POLR1C: variants seen among roughly 807,000 people sequenced by gnomAD.
POLR1C encodes DNA-directed RNA polymerases I and III subunit RPAC1.
A neutral mutation model predicts 38.3 loss-of-function variants in POLR1C; 42 were observed. The observed-to-expected ratio is 1.10, with a 90% CI of 0.86 to 1.42. The LOEUF is 1.42. Among genes scored for constraint, POLR1C ranks in the 40% most tolerant of loss-of-function variants. The pLI is 0.00. For missense variants in POLR1C, 507 were observed against 450.5 expected, an observed-to-expected ratio of 1.13 and a Z score of -1.14; for synonymous variants, 163 against 163.9, an observed-to-expected ratio of 0.99 and a Z score of 0.04.
chr6:43,550,629 T>A (rs1795183442), intron 9 of POLR1C, among the ~76,000 whole-genome samples: 1 of 152,256 alleles, frequency 6.6e-6, no homozygotes. Context: ...TGCTTTAATT[T>A]TATCTCATTA....
chr6:43,520,373 C>T lies in POLR1C; in HGVS notation c.601C>T (p.Gln201Ter), dbSNP rs1288619231. ...AGTGCATGATGATATCCTCATCGCT[C>T]AGCTGCGGCCTGGCCAAGAAATTGA... Reference protein sequence around the residue: ...RPVHDDILIAQLRPGQEIDLL... With the variant: ...RPVHDDILIA The change falls in exon 6 of 9, where the codon CAG becomes TAG. Residue 201 changes from glutamine (Q) to a stop codon, truncating the protein, a stop_gained. Transcript: ENST00000642195. LOFTEE classifies it high-confidence loss of function. 1.9e-6 allele frequency: 3 copies of T among 1,613,864 alleles called. No homozygotes were observed. Among genetic ancestry groups the T allele is most frequent in the Non-Finnish European group, 2.5e-6 (3 of 1,180,028 alleles).
intron 9 of POLR1C, chr6:43,547,532 T>G (rs933040888): frequency 1.9e-5 from 26 of 1,386,700 alleles, no homozygotes; most frequent in Non-Finnish European, 2.7e-5. Flanking sequence ...AACAAATCTA[T>G]GAGAAACTTG....
At chr6:43,524,906 G>C (rs1449741668), downstream of POLR1C, 1 of 1,614,044 alleles carries the variant, frequency 6.2e-7, no homozygotes, top group Non-Finnish European at 8.5e-7. Context: ...GCATCTGTAA[G>C]CCTTTCAGCA....
At chr6:43,562,184 T>C (rs953961892) in exon 11 of POLR1C, 6 of 1,373,166 alleles carry the variant, frequency 4.4e-6, no homozygotes, top group African/African-American at 4.3e-5. Context: ...CATTGAAACA[T>C]AAGTTTCTAA....
downstream of POLR1C, chr6:43,531,541 A>C: frequency 6.2e-7 from 1 of 1,613,972 alleles, no homozygotes. Context: ...TGAAGACAGG[A>C]GAGTCATTGA....
At chr6:43,538,626 C>T (rs1189322634) in intron 9 of POLR1C, among the ~76,000 whole-genome samples, 1 of 152,090 alleles carries the variant, frequency 6.6e-6, no homozygotes, top group East Asian at 1.9e-4. Context: ...ATTACTAGCT[C>T]CATATTGCTT....
chr6:43,520,581 C>G, intron 6 of POLR1C, 44 bp from the exon 7 acceptor site: 2 of 1,611,872 alleles, frequency 1.2e-6, no homozygotes, highest in Non-Finnish European at 1.7e-6. Context: ...TTCTTCCTAA[C>G]CCTAGAAGGG....
At chr6:43,539,310 C>A in intron 9 of POLR1C, 1 of 1,561,866 alleles carries the variant, frequency 6.4e-7, no homozygotes. Context: ...CCACTGTAGT[C>A]CCCGATAGCA....
chr6:43,521,689 A>G (rs1045896112), downstream of POLR1C, among the ~76,000 whole-genome samples: 3 of 152,094 alleles, frequency 2.0e-5, no homozygotes, highest in Non-Finnish European at 4.4e-5. Context: ...ACCTAGCTAT[A>G]TGTCTAATTT....
At chr6:43,551,174 T>A (rs541820374) in intron 10 of POLR1C, 1 of 1,043,450 alleles carries the variant, frequency 9.6e-7, no homozygotes, top group African/African-American at 1.6e-5. Flanking sequence ...GAGGATCCCT[T>A]GAGACTAGTA....
chr6:43,553,232 T>A (rs952250249), intron 10 of POLR1C: 2 of 1,067,236 alleles, frequency 1.9e-6, no homozygotes, highest in Admixed American at 6.1e-5. Context: ...AGCCCAGGAG[T>A]TGGAGGTTAC....
intron 10 of POLR1C, chr6:43,556,048 T>A: frequency 6.5e-7 from 1 of 1,540,450 alleles, no homozygotes; most frequent in Non-Finnish European, 8.8e-7. Flanking sequence ...TTTACCACCC[T>A]AGGGGAAAAG....
downstream of POLR1C, chr6:43,531,450 A>T: frequency 6.3e-7 from 1 of 1,590,816 alleles, no homozygotes; most frequent in Non-Finnish European, 8.6e-7. Flanking sequence ...CGAGGAAGAA[A>T]ATATGGAGAG....
chr6:43,527,440 A>G, intron 8 of POLR1C: 1 of 526,322 alleles, frequency 1.9e-6, no homozygotes, highest in Non-Finnish European at 3.4e-6. Context: ...CGCCCAGCTA[A>G]TTTTTGTATT....
At chr6:43,553,193 T>C (rs1176872366) in intron 10 of POLR1C, among the ~76,000 whole-genome samples, 1 of 152,032 alleles carries the variant, frequency 6.6e-6, no homozygotes, top group Non-Finnish European at 1.5e-5. Context: ...TTCTAGATCC[T>C]CAGGAGCCTG....
intron 9 of POLR1C, among the ~76,000 whole-genome samples, chr6:43,550,711 A>G (rs1795186259): frequency 6.6e-6 from 1 of 152,200 alleles, no homozygotes; most frequent in South Asian, 2.1e-4. Flanking sequence ...GATGTTCTAC[A>G]TATTCTTCAA....
In POLR1C at chr6:43,521,011, G is replaced by A; in HGVS notation, c.885G>A (p.Lys295=). 1.2e-6 allele frequency: 2 copies of A among 1,614,206 alleles called. No homozygotes were observed. The highest frequency in any genetic ancestry group is 1.7e-6 in the Non-Finnish European group (2 of 1,180,036). Residue 295 remains lysine, a synonymous_variant, in exon 8 of 9, where the codon AAG becomes AAA. Coordinates refer to ENST00000642195, the MANE Select transcript of POLR1C (RefSeq NM_203290.4). ...REIFRNEKLK[K]VVRLARVRDH... is the part of the protein sequence containing the mutation. Reference sequence around the variant, plus strand: ...TCTTCCGGAATGAGAAGCTAAAGAAGGTTGTGAGGCTTGCCCGGGTTCGAG... The same window carrying A: ...TCTTCCGGAATGAGAAGCTAAAGAAAGTTGTGAGGCTTGCCCGGGTTCGAG...
At position 43,521,032 on chromosome 6, in the gene POLR1C, T is replaced by A; in HGVS notation, c.906T>A (p.Val302=). 6.2e-7 allele frequency: 1 copy of A among 1,613,928 alleles called. No homozygotes were observed. Among genetic ancestry groups the A allele is most frequent in the Non-Finnish European group, 8.5e-7 (1 of 1,179,794 alleles). Residue 302 remains valine (V), a synonymous_variant, in exon 8 of 9, where the codon GTT becomes GTA. Transcript: ENST00000642195. ...KLKKVVRLAR[V]RDHYIFSVES... ...AGAAGGTTGTGAGGCTTGCCCGGGT[T>A]CGAGATCATTATATCTGTGAGTATG...
intron 9 of POLR1C, chr6:43,538,970 G>A (rs1582211485): frequency 2.1e-6 from 3 of 1,408,224 alleles, no homozygotes; most frequent in Admixed American, 3.4e-5. Context: ...GTAGGTCTTA[G>A]AAATGGCATC....
Sources: allele counts gnomAD v4.1 joint callset (sites outside exome capture counted in the v4.1 genomes callset), GRCh38; gene constraint gnomAD v4.1.1; transcripts MANE v1.5; gene names NCBI Gene and HGNC (gene_info 2026-07-23, HGNC 2026-07-21).